The following CDH8 variants were observed in gnomAD, a reference collection of about 807,000 sequenced individuals.
CDH8 encodes cadherin-8.
A neutral mutation model predicts 68.1 loss-of-function variants in CDH8; 17 were observed. The observed-to-expected ratio is 0.25, with a 90% CI of 0.17 to 0.37. The LOEUF (loss-of-function observed/expected upper bound fraction) is 0.37. Ranked by LOEUF, CDH8 falls within the 10% of genes least tolerant of loss-of-function variation. The pLI is 1.00. For synonymous variants in CDH8, 372 were observed against 365.1 expected, an observed-to-expected ratio of 1.02 and a Z score of -0.21; for missense variants, 763 against 999.3, an observed-to-expected ratio of 0.76 and a Z score of 3.19.
Position 61,825,057 on chromosome 16 carries a change from C to T in CDH8, c.790G>A (p.Val264Met), listed in dbSNP as rs1186300935. Residue 264 changes from valine (V) to methionine (M), a missense_variant, in exon 5 of 12, where the codon GTG becomes ATG. Around this residue, in one of 2 missense-constraint regions of CDH8, gnomAD observed 366 missense variants for 563.1 expected, o/e 0.65. Transcript: ENST00000577390. ...GGLSGTTTLT[V>M]TLTDVNDNPP... ...TTGTCATTAACATCAGTAAGAGTCA[C>T]TGTAAGTGTCGTGGTCCCAGACAGG... 1.2e-6 allele frequency: 2 copies of T among 1,612,008 alleles called. No individual in the cohort carries two copies. The highest frequency in any genetic ancestry group is 1.7e-6 in the Non-Finnish European group (2 of 1,178,758).
intron 8 of CDH8, among the ~76,000 whole-genome samples, chr16:61,735,076 C>T (rs949706086): frequency 2.6e-5 from 4 of 151,952 alleles, no homozygotes; most frequent in African/African-American, 7.2e-5. Context: ...ATGGCTTTCT[C>T]GTCTTCTTCT....
chr16:61,725,811 G>A (rs1057246492), intron 9 of CDH8: 1 of 150,844 alleles, frequency 6.6e-6, no homozygotes, highest in Non-Finnish European at 1.5e-5. Context: ...CTCTACTAAA[G>A]CTGAATGCTT....
chr16:61,735,744 G>A (rs934042709), intron 8 of CDH8, among the ~76,000 whole-genome samples: 8 of 152,040 alleles, frequency 5.3e-5, no homozygotes, highest in East Asian at 3.9e-4. Flanking sequence ...ATTATCTTTC[G>A]CCTTTAAAAA....
chr16:61,899,497 C>T (rs11863799), intron 3 of CDH8, among the ~76,000 whole-genome samples: 57,947 of 151,170 alleles, frequency 0.38, 11,928 homozygotes, highest in African/African-American at 0.52. Context: ...GAAAAGGAAA[C>T]GGCAAGGGGA....
At chr16:61,966,326 TCA>T (rs869034675) in intron 2 of CDH8, among the ~76,000 whole-genome samples, 4 of 114,842 alleles carry the variant, frequency 3.5e-5, no homozygotes, top group African/African-American at 7.2e-5. Context: ...GATCACGATG[TCA>T]AGAGATCTAG....
chr16:62,024,123 G>A (rs984569364), intron 1 of CDH8, among the ~76,000 whole-genome samples: 1 of 152,084 alleles, frequency 6.6e-6, no homozygotes, highest in Non-Finnish European at 1.5e-5. Flanking sequence ...ACAGGCATGA[G>A]CCACTGTACC....
At chr16:61,764,865 A>C (rs767522511) in intron 8 of CDH8, among the ~76,000 whole-genome samples, 1 of 152,070 alleles carries the variant, frequency 6.6e-6, no homozygotes, top group Non-Finnish European at 1.5e-5. Flanking sequence ...GCATTATTGC[A>C]ATTGTAAACC....
At chr16:61,763,526 C>T (rs560561738) in intron 8 of CDH8, among the ~76,000 whole-genome samples, 4 of 152,190 alleles carry the variant, frequency 2.6e-5, no homozygotes, top group African/African-American at 9.6e-5. Context: ...CTGTTGGGAG[C>T]TAGAGTTGAA....
At chr16:61,710,760 G>T (rs1461611603) in intron 10 of CDH8, 1 of 147,854 alleles carries the variant, frequency 6.8e-6, no homozygotes, top group Non-Finnish European at 1.5e-5. Context: ...TTTACCTACA[G>T]TGTTCAGGCT....
chr16:62,004,200 G>A (rs184046643), intron 2 of CDH8, among the ~76,000 whole-genome samples: 16 of 152,294 alleles, frequency 1.1e-4, no homozygotes, highest in Non-Finnish European at 2.2e-4. Context: ...CAGTGAACTA[G>A]GATATCACAT....
intron 4 of CDH8, among the ~76,000 whole-genome samples, chr16:61,853,866 G>C (rs1962989125): frequency 6.6e-6 from 1 of 151,920 alleles, no homozygotes; most frequent in African/African-American, 2.4e-5. Context: ...TATCCACCAA[G>C]TACTTGCTAT....
At chr16:61,748,332 T>A (rs1960077809) in intron 8 of CDH8, among the ~76,000 whole-genome samples, 2 of 152,044 alleles carry the variant, frequency 1.3e-5, no homozygotes, top group Non-Finnish European at 2.9e-5. Context: ...AGTGGCATGA[T>A]TATTCTCTCA....
At chr16:61,748,288 AT>A (rs1177721429) in intron 8 of CDH8, among the ~76,000 whole-genome samples, 3 of 152,034 alleles carry the variant, frequency 2.0e-5, no homozygotes, top group African/African-American at 7.2e-5. Context: ...TTCAGGCACC[AT>A]GATTTTAATT....
At chr16:61,973,706 A>G (rs1012713568) in intron 2 of CDH8, among the ~76,000 whole-genome samples, 1 of 152,244 alleles carries the variant, frequency 6.6e-6, no homozygotes, top group Non-Finnish European at 1.5e-5. Flanking sequence ...TAGATAAACC[A>G]GAGATGTCAT....
At chr16:61,972,571 G>GGGGGTGTGTGTGT (rs369833002) in intron 2 of CDH8, among the ~76,000 whole-genome samples, 24 of 131,466 alleles carry the variant, frequency 1.8e-4, no homozygotes, top group Non-Finnish European at 2.8e-4. Flanking sequence ...ACACATTGTG[G>GGGGGTGTGTGTGT]GTGTGTGTGT....
At chr16:61,830,722 T>C (rs771892585) in intron 4 of CDH8, among the ~76,000 whole-genome samples, 1 of 151,768 alleles carries the variant, frequency 6.6e-6, no homozygotes, top group Non-Finnish European at 1.5e-5. Context: ...GACAAGTTAG[T>C]GGTCTCAAGT....
chr16:61,882,529 T>C (rs1171600056), intron 3 of CDH8, among the ~76,000 whole-genome samples: 1 of 152,216 alleles, frequency 6.6e-6, no homozygotes, highest in African/African-American at 2.4e-5. Context: ...TTGAGAAATG[T>C]CTGCAGGTGC....
At chr16:61,730,466 G>C (rs141164590) in intron 8 of CDH8, among the ~76,000 whole-genome samples, 3,533 of 151,430 alleles carry the variant, frequency 0.023, 69 homozygotes, top group Non-Finnish European at 0.035. Flanking sequence ...TAGTATAATG[G>C]TCAAAGAACT....
chr16:61,780,461 G>C (rs1243634983), intron 8 of CDH8, among the ~76,000 whole-genome samples: 1 of 152,216 alleles, frequency 6.6e-6, no homozygotes, highest in Non-Finnish European at 1.5e-5. Context: ...CTCATTAAGA[G>C]ATAACAGATG....
Sources: gnomAD v4.1 joint callset for allele counts (sites outside exome capture counted in the v4.1 genomes callset) on GRCh38, gnomAD v4.1.1 for gene constraint, gnomAD v4.1.1 regional missense constraint, MANE v1.5 for transcripts, NCBI Gene and HGNC (gene_info 2026-07-23, HGNC 2026-07-21) for gene names.